SLC5A4: variants seen among roughly 807,000 people sequenced by gnomAD.
SLC5A4 encodes probable glucose sensor protein SLC5A4.
SLC5A4 carries 55 observed loss-of-function variants against 70.3 expected under a neutral mutation model. The ratio of observed to expected loss-of-function variants is 0.78; its 90% confidence interval spans 0.63 to 0.98. The LOEUF (loss-of-function observed/expected upper bound fraction) is 0.98, where lower values mean the gene tolerates loss of function less well. Among genes scored for constraint, SLC5A4 ranks in the 50% least tolerant of loss-of-function variants. The pLI, the probability that SLC5A4 is intolerant of heterozygous loss-of-function variation, is 0.00. For missense variants in SLC5A4, 735 were observed against 839.2 expected (o/e 0.88, Z 1.53); for synonymous variants, 268 against 305.7 (o/e 0.88, Z 1.29).
At chr22:32,251,999 G>A in intron 2 of SLC5A4, 125 bp from the exon 3 acceptor site, 2 of 644,036 alleles carry the variant, frequency 3.1e-6, no homozygotes, top group East Asian at 2.8e-5. Flanking sequence ...GGAGGCTGAG[G>A]CGGGTGGATC....
the SLC5A4 span, chr22:32,271,213 G>C: frequency 3.0e-4 from 232 of 776,582 alleles, no homozygotes; most frequent in African/African-American, 3.4e-3. Flanking sequence ...CTGGCGGCTG[G>C]TGTTCTTGGT....
intron 5 of SLC5A4, among the ~76,000 whole-genome samples, chr22:32,247,036 G>C (rs1201369199): frequency 1.3e-5 from 2 of 152,192 alleles, no homozygotes; most frequent in Non-Finnish European, 2.9e-5. Context: ...GTCTGAGAAA[G>C]AATATAAAGG....
chr22:32,329,789 GGCTCTGGTGTGTGTGTTGGA>G, the SLC5A4 span, among the ~76,000 whole-genome samples: 1 of 68,510 alleles, frequency 1.5e-5, no homozygotes, highest in Non-Finnish European at 2.7e-5. Context: ...GTGTGTTGGA[GGCTCTGGTGTGTGTGTTGGA>G]GGCTCTGGTG....
At chr22:32,324,245 GTGTATATATACACACATATATGTA>G in the SLC5A4 span, among the ~76,000 whole-genome samples, 1 of 136,058 alleles carries the variant, frequency 7.3e-6, no homozygotes, top group South Asian at 2.3e-4. Context: ...ACATATGTAT[GTGTATATATACACACATATATGTA>G]TATATATATA....
the SLC5A4 span, among the ~76,000 whole-genome samples, chr22:32,264,748 T>TCATATTAA: frequency 6.1e-4 from 93 of 152,318 alleles, no homozygotes; most frequent in East Asian, 1.9e-4. Context: ...AGCCTAGAAT[T>TCATATTAA]CATATTAACA....
intron 11 of SLC5A4, 133 bp from the exon 12 acceptor site, chr22:32,225,956 A>G: frequency 1.6e-6 from 1 of 611,366 alleles, no homozygotes; most frequent in Non-Finnish European, 2.8e-6. Flanking sequence ...TTGATCATAC[A>G]TAAACCCATG....
At chr22:32,346,138 T>A in the SLC5A4 span, among the ~76,000 whole-genome samples, 1 of 152,224 alleles carries the variant, frequency 6.6e-6, no homozygotes, top group South Asian at 2.1e-4. Flanking sequence ...AATTACATGA[T>A]GGCTGCGGCT....
the SLC5A4 span, among the ~76,000 whole-genome samples, chr22:32,316,911 G>A: frequency 7.0e-6 from 1 of 142,944 alleles, no homozygotes; most frequent in Non-Finnish European, 1.5e-5. Flanking sequence ...GAGATAGGGA[G>A]CCAAATAATC....
At chr22:32,307,088 C>G in the SLC5A4 span, among the ~76,000 whole-genome samples, 5 of 152,250 alleles carry the variant, frequency 3.3e-5, no homozygotes, top group Non-Finnish European at 4.4e-5. Flanking sequence ...GGTAACCATT[C>G]TCAGTGCAGT....
chr22:32,336,029 G>T, the SLC5A4 span, among the ~76,000 whole-genome samples: 1 of 152,168 alleles, frequency 6.6e-6, no homozygotes, highest in Non-Finnish European at 1.5e-5. Context: ...GTGAAATAGT[G>T]GGTGAAATAA....
chr22:32,247,415 A>G lies in SLC5A4; in HGVS notation c.473T>C (p.Ile158Thr). 1 of 1,608,880 alleles carries G rather than the reference A, an allele frequency of 6.2e-7. No homozygotes were observed. Among genetic ancestry groups the G allele is most frequent in the Non-Finnish European group, 8.5e-7 (1 of 1,175,198 alleles). ...LSLFICVVLL[I>T]SADIFAGAIF... ...GCCAGGAGGCTCTGAACTCACAGAA[A>G]TTAACAAAACCACACAGATGAAGAG... Residue 158 changes from isoleucine to threonine, a missense_variant, in exon 5 of 15, where the codon ATT becomes ACT. By Grantham distance (89) the Ile-to-Thr change is moderately conservative. Coordinates refer to ENST00000266086, the MANE Select transcript of SLC5A4 (RefSeq NM_014227.3).
At position 32,218,614 on chromosome 22, in the gene SLC5A4, A is replaced by G. The variant is rs1439310198; in HGVS notation, c.1880T>C (p.Leu627Pro). ...KEEEEALSKKLTDTSERPSWR... is the reference protein window; with the variant it reads ...KEEEEALSKKPTDTSERPSWR... ...CGAGGGCCTCTCAGACGTGTCTGTG[A>G]GCTTCTTGCTCAAGGCTTCCTCCTC... The change falls in exon 15 of 15, where the codon CTC becomes CCC. Residue 627 changes from leucine to proline, a missense_variant. Leu to Pro is a moderately conservative substitution (Grantham distance 98, BLOSUM62 -3). Transcript: ENST00000266086. 5 of 1,613,646 alleles carry G rather than the reference A, an allele frequency of 3.1e-6. No individual in the cohort carries two copies. Among genetic ancestry groups the G allele is most frequent in the African/African-American group, 1.3e-5 (1 of 74,776 alleles).
At chr22:32,244,322 G>A (rs1250113884) in intron 5 of SLC5A4, among the ~76,000 whole-genome samples, 1 of 152,168 alleles carries the variant, frequency 6.6e-6, no homozygotes, top group African/African-American at 2.4e-5. Flanking sequence ...ATTTATAGCT[G>A]TCTTCACTCA....
At chr22:32,312,629 C>A in the SLC5A4 span, among the ~76,000 whole-genome samples, 1 of 151,602 alleles carries the variant, frequency 6.6e-6, no homozygotes, top group East Asian at 1.9e-4. Context: ...CTCCCCTGCA[C>A]CCCCAGCCCC....
the SLC5A4 span, among the ~76,000 whole-genome samples, chr22:32,306,967 CAT>C: frequency 5.3e-5 from 8 of 152,228 alleles, no homozygotes; most frequent in Admixed American, 1.3e-4. Context: ...CCATGTCATC[CAT>C]AGTTTTTGAT....
chr22:32,264,889 A>G, the SLC5A4 span, among the ~76,000 whole-genome samples: 1 of 152,218 alleles, frequency 6.6e-6, no homozygotes, highest in African/African-American at 2.4e-5. Context: ...TGTTGAAAGA[A>G]TATACCTCAA....
the SLC5A4 span, among the ~76,000 whole-genome samples, chr22:32,292,532 C>T: frequency 0.33 from 49,966 of 150,460 alleles, 8,436 homozygotes; most frequent in Admixed American, 0.42. Context: ...CTTCCCCAGA[C>T]CCCACATCTG....
chr22:32,321,894 GCATAGGTC>G, the SLC5A4 span, among the ~76,000 whole-genome samples: 1 of 152,226 alleles, frequency 6.6e-6, no homozygotes, highest in Admixed American at 6.5e-5. Flanking sequence ...ATGGCAGAAT[GCATAGGTC>G]TTGCACATAA....
chr22:32,242,717 A>AT (rs1367653922), intron 5 of SLC5A4, among the ~76,000 whole-genome samples: 1 of 152,218 alleles, frequency 6.6e-6, no homozygotes. Flanking sequence ...TCAAAAAAAA[A>AT]AGTATCAAAA....
Sources: gnomAD v4.1 joint callset for allele counts (sites outside exome capture counted in the v4.1 genomes callset) on GRCh38, gnomAD v4.1.1 for gene constraint, MANE v1.5 for transcripts, NCBI Gene and HGNC (gene_info 2026-07-23, HGNC 2026-07-21) for gene names.